MAST4: variants seen among roughly 807,000 people sequenced by gnomAD.
MAST4 encodes microtubule-associated serine/threonine-protein kinase 4.
MAST4 carries 89 observed loss-of-function variants against 162.7 expected under a neutral mutation model. The ratio of observed to expected loss-of-function variants is 0.55; its 90% confidence interval spans 0.46 to 0.65. The LOEUF is 0.65. Among genes scored for constraint, MAST4 ranks in the 30% least tolerant of loss-of-function variants. MAST4 has a pLI of 0.00. For missense variants in MAST4, 3,153 were observed against 3,374.0 expected (o/e 0.93, Z 1.62); for synonymous variants, 1,479 against 1,361.1 (o/e 1.09, Z -1.91).
intron 1 of MAST4, among the ~76,000 whole-genome samples, chr5:66,702,020 A>T (rs963725645): frequency 3.5e-4 from 53 of 152,280 alleles, no homozygotes; most frequent in Admixed American, 2.5e-3. Flanking sequence ...ATGTTTTGGG[A>T]TATGATCACT....
intron 23 of MAST4, among the ~76,000 whole-genome samples, chr5:67,145,661 T>A (rs1043560001): frequency 2.0e-5 from 3 of 152,170 alleles, no homozygotes; most frequent in African/African-American, 7.2e-5. Context: ...GGGGATCTTT[T>A]GAGGGAAGTC....
At chr5:66,945,676 A>G (rs1743941642) in intron 4 of MAST4, among the ~76,000 whole-genome samples, 1 of 152,130 alleles carries the variant, frequency 6.6e-6, no homozygotes, top group Non-Finnish European at 1.5e-5. Context: ...CTGATTTGGT[A>G]GGGAAAGCTT....
At position 67,126,235 on chromosome 5, in the gene MAST4, G is replaced by A. The variant is rs1412565401; in HGVS notation, c.1746-3975G>A. Among the ~76,000 whole-genome samples the A allele has an allele frequency of 2.0e-5, 3 of 152,160 alleles. No homozygotes were observed. The East Asian group carries it at 5.8e-4, about 29-fold the overall frequency. On this transcript the variant is annotated intron_variant, in intron 14 of 28. Transcript: ENST00000403625. ...TGATAGTTTCTTTTGCTGTGCAGAA[G>A]CTCTTTAGTTTAATTAGATCCCATT...
At chr5:66,811,911 C>T (rs1036148306) in intron 3 of MAST4, among the ~76,000 whole-genome samples, 1 of 152,170 alleles carries the variant, frequency 6.6e-6, no homozygotes, top group African/African-American at 2.4e-5. Flanking sequence ...GGAATCAATA[C>T]TGGAATTGTG....
chr5:66,907,820 A>G (rs1028680334), intron 4 of MAST4, among the ~76,000 whole-genome samples: 2 of 152,192 alleles, frequency 1.3e-5, no homozygotes, highest in African/African-American at 4.8e-5. Context: ...AGTAAAGGCA[A>G]TGTTTCCTGA....
intron 4 of MAST4, among the ~76,000 whole-genome samples, chr5:66,942,356 A>G (rs1438688154): frequency 1.3e-5 from 2 of 152,162 alleles, no homozygotes; most frequent in African/African-American, 4.8e-5. Context: ...TTGTATGTGC[A>G]TGTTTCTGAT....
At chr5:66,868,021 T>A (rs1760654600) in intron 3 of MAST4, among the ~76,000 whole-genome samples, 1 of 152,196 alleles carries the variant, frequency 6.6e-6, no homozygotes, top group South Asian at 2.1e-4. Context: ...TGACATAATT[T>A]AATGTTTTCC....
chr5:66,610,926 G>A (rs1249738340), intron 1 of MAST4, among the ~76,000 whole-genome samples: 1 of 152,216 alleles, frequency 6.6e-6, no homozygotes, highest in Non-Finnish European at 1.5e-5. Context: ...TTAACACAAA[G>A]CTAAATGTCT....
At chr5:66,884,610 T>A (rs1761919543) in intron 3 of MAST4, among the ~76,000 whole-genome samples, 1 of 152,202 alleles carries the variant, frequency 6.6e-6, no homozygotes, top group Non-Finnish European at 1.5e-5. Context: ...TCATTGTAAG[T>A]GTTAATGTTG....
intron 4 of MAST4, among the ~76,000 whole-genome samples, chr5:66,929,075 C>T (rs1741863502): frequency 2.0e-5 from 3 of 152,122 alleles, no homozygotes; most frequent in African/African-American, 7.2e-5. Flanking sequence ...TTGAGAAGTC[C>T]TACAACAAGC....
chr5:66,638,297 A>G (rs908715154), intron 1 of MAST4, among the ~76,000 whole-genome samples: 1 of 152,058 alleles, frequency 6.6e-6, no homozygotes, highest in Non-Finnish European at 1.5e-5. Context: ...CATGGTCCGG[A>G]GAGAATTTAA....
At chr5:66,758,881 T>C (rs1753701620) in intron 1 of MAST4, among the ~76,000 whole-genome samples, 1 of 152,220 alleles carries the variant, frequency 6.6e-6, no homozygotes, top group South Asian at 2.1e-4. Flanking sequence ...AGTATGTAGG[T>C]GTATATGAAA....
chr5:66,877,609 C>G (rs977337848), intron 3 of MAST4, among the ~76,000 whole-genome samples: 3 of 152,166 alleles, frequency 2.0e-5, no homozygotes, highest in Admixed American at 6.5e-5. Flanking sequence ...ACCACCGGCA[C>G]GGGCCTGGCA....
At chr5:67,031,090 T>A (rs1285167529) in intron 4 of MAST4, among the ~76,000 whole-genome samples, 1 of 152,126 alleles carries the variant, frequency 6.6e-6, no homozygotes, top group Non-Finnish European at 1.5e-5. Context: ...GAAAAAAGCA[T>A]TTACTTTCAT....
intron 4 of MAST4, among the ~76,000 whole-genome samples, chr5:66,953,835 A>G (rs1242366172): frequency 2.0e-5 from 3 of 152,174 alleles, no homozygotes; most frequent in African/African-American, 7.2e-5. Context: ...TCTGTGTGCT[A>G]TAGGATGTTC....
intron 5 of MAST4, among the ~76,000 whole-genome samples, chr5:67,078,103 A>C (rs960162210): frequency 1.3e-5 from 2 of 151,872 alleles, no homozygotes; most frequent in Non-Finnish European, 2.9e-5. Context: ...CTTCTCTCAA[A>C]AATAAATAAA....
At chr5:66,884,734 A>G (rs1761928000) in intron 3 of MAST4, among the ~76,000 whole-genome samples, 1 of 152,214 alleles carries the variant, frequency 6.6e-6, no homozygotes, top group African/African-American at 2.4e-5. Flanking sequence ...ATCCCCTCAA[A>G]TGAAAAAAGA....
chr5:66,662,719 C>T (rs1746989101), intron 1 of MAST4: 1 of 152,056 alleles, frequency 6.6e-6, no homozygotes, highest in Non-Finnish European at 1.5e-5. Flanking sequence ...AAAAATCTTC[C>T]AGGAGACTGT....
intron 1 of MAST4, among the ~76,000 whole-genome samples, chr5:66,669,949 A>G (rs971435377): frequency 2.6e-5 from 4 of 152,218 alleles, no homozygotes; most frequent in South Asian, 2.1e-4. Context: ...GTGAAGTTGA[A>G]TGTCTGTCTG....
Sources: allele counts gnomAD v4.1 joint callset (sites outside exome capture counted in the v4.1 genomes callset), GRCh38; gene constraint gnomAD v4.1.1; transcripts MANE v1.5; gene names NCBI Gene and HGNC (gene_info 2026-07-23, HGNC 2026-07-21).